The following RSRP1 variants were observed in gnomAD, a reference collection of about 807,000 sequenced individuals.
The protein encoded by RSRP1 is arginine and serine rich protein 1.
In RSRP1, 37 loss-of-function variants were observed where a neutral mutation model predicts 33.0. That is an observed-to-expected ratio of 1.12 (90% CI 0.86 to 1.48). RSRP1 has a LOEUF of 1.48. RSRP1 is among the 40% of genes most tolerant of loss of function. The pLI is 0.00. For synonymous variants in RSRP1, 167 were observed against 158.7 expected (o/e 1.05, Z -0.40); for missense variants, 402 against 385.3 (o/e 1.04, Z -0.36).
In RSRP1 at chr1:25,270,546, A is replaced by C. The variant is rs371335877; in HGVS notation, c.-66-23517T>G. On this transcript the variant is annotated intron_variant, in intron 1 of 1. Coordinates refer to the RSRP1 transcript ENST00000561867. ...CTGAGGTGGAACAGTTTCATCCCCA[A>C]ACCATCCCTCCAACCTCACCCCGGT... is the stretch of plus-strand genomic sequence containing the variant. 8.4e-4 allele frequency among the ~76,000 whole-genome samples: 111 copies of C among 131,744 alleles called. 13 individuals are homozygous for C. Among genetic ancestry groups the C allele is most frequent in the African/African-American group, 1.4e-3 (53 of 38,646 alleles). 86.4% of individuals were successfully genotyped at this position (131,744 alleles called of 152,430 possible).
At chr1:25,303,595 T>G in intron 1 of RSRP1, 3 of 950,224 alleles carry the variant, frequency 3.2e-6, no homozygotes, top group Non-Finnish European at 4.9e-6. Context: ...CAACGCCTAG[T>G]GAGGGATCCA....
At chr1:25,303,238 T>C in intron 1 of RSRP1, 3 of 1,049,044 alleles carry the variant, frequency 2.9e-6, no homozygotes, top group African/African-American at 1.5e-5. Context: ...AGGGTTGCCT[T>C]GTTCCCAGCG....
chr1:25,261,406 C>CTTT (rs561224552), intron 1 of RSRP1, among the ~76,000 whole-genome samples: 2 of 140,852 alleles, frequency 1.4e-5, no homozygotes, highest in Non-Finnish European at 3.1e-5. Context: ...TGATTTCTTT[C>CTTT]TTTTTTTTTT....
chr1:25,259,107 T>C (rs976391386), intron 1 of RSRP1, among the ~76,000 whole-genome samples: 2 of 152,194 alleles, frequency 1.3e-5, no homozygotes, highest in Admixed American at 6.5e-5. Flanking sequence ...TTTTTTCTTT[T>C]TTTTGAGATG....
In RSRP1 at chr1:25,314,514, AAC is replaced by A. The variant is rs1644332018; in HGVS notation, c.-67+23462_-67+23463del. 1.5e-5 allele frequency among the ~76,000 whole-genome samples: 2 copies of A among 131,724 alleles called. 1 individual carries two copies. Among genetic ancestry groups the A allele is most frequent in the African/African-American group, 5.2e-5 (2 of 38,744 alleles). 86.4% of individuals were successfully genotyped at this position (131,724 alleles called of 152,430 possible). Reference sequence around the variant, plus strand: ...TTTTTCCTTCTTTCTTTCTTTTTGAAACAGAGTCTCCTTCTGTCACCCAGGCT... The same window carrying A: ...TTTTTCCTTCTTTCTTTCTTTTTGAAAGAGTCTCCTTCTGTCACCCAGGCT... On this transcript the variant is annotated intron_variant, in intron 1 of 1. Coordinates refer to the RSRP1 transcript ENST00000561867.
intron 3 of RSRP1, chr1:25,244,886 A>G: frequency 8.0e-7 from 1 of 1,247,884 alleles, no homozygotes; most frequent in Non-Finnish European, 1.0e-6. Context: ...GTTTTGCCAC[A>G]TTGCCCAGGC....
At chr1:25,253,789 C>T (rs1322195247) in intron 1 of RSRP1, 2 of 152,372 alleles carry the variant, frequency 1.3e-5, no homozygotes, top group Non-Finnish European at 2.9e-5. Context: ...TCCACAAGCC[C>T]AAGGTCAAAG....
chr1:25,315,020 T>C (rs1358971267), intron 1 of RSRP1, among the ~76,000 whole-genome samples: 1 of 129,244 alleles, frequency 7.7e-6, no homozygotes, highest in African/African-American at 2.6e-5. Flanking sequence ...CTGGCCAACA[T>C]GGTGAAGCCC....
chr1:25,242,819 G>A, intron 4 of RSRP1, 114 bp from the exon 5 acceptor site: 1 of 749,790 alleles, frequency 1.3e-6, no homozygotes. Flanking sequence ...ATCAATTGCT[G>A]GGCGCGGTGG....
Position 25,246,700 on chromosome 1 carries a change from G to T in RSRP1, c.264C>A (p.Ser88=). ...SRSYSRSRSR[S]RSRRYRERRY... ...GCCTCTCTCGGTAACGGCGGCTGCG[G>T]GATCGCGACCGGCTCCGCGAGTATG... Residue 88 remains serine, a synonymous_variant, in exon 2 of 5, where the codon TCC becomes TCA. Coordinates refer to ENST00000243189, the MANE Select transcript of RSRP1 (RefSeq NM_020317.5). The T allele has an allele frequency of 6.2e-7, 1 of 1,607,942 alleles. No homozygotes were observed. Among genetic ancestry groups the T allele is most frequent in the Non-Finnish European group, 8.5e-7 (1 of 1,175,524 alleles).
intron 1 of RSRP1, among the ~76,000 whole-genome samples, chr1:25,312,612 T>C (rs1459313690): frequency 7.8e-6 from 1 of 129,012 alleles, no homozygotes; most frequent in African/African-American, 2.6e-5. Flanking sequence ...TAGCCAGGTA[T>C]TGTGGCATAT....
chr1:25,308,058 G>A (rs1464890339), intron 1 of RSRP1, among the ~76,000 whole-genome samples: 1 of 123,952 alleles, frequency 8.1e-6, no homozygotes, highest in Non-Finnish European at 1.9e-5. Context: ...AGCCAGTGAA[G>A]GAAGGGAGCT....
At chr1:25,243,825 C>G (rs1639111819) in intron 3 of RSRP1, 192 bp from the exon 4 acceptor site, 1 of 1,302,916 alleles carries the variant, frequency 7.7e-7, no homozygotes, top group African/African-American at 1.5e-5. Flanking sequence ...GCTTAAGACA[C>G]TCTTCCCATA....
At chr1:25,262,238 A>G (rs1356117401) in intron 1 of RSRP1, among the ~76,000 whole-genome samples, 5 of 152,208 alleles carry the variant, frequency 3.3e-5, no homozygotes, top group Non-Finnish European at 7.3e-5. Flanking sequence ...GGAGTCCCAC[A>G]CTGCGAACCA....
At chr1:25,307,513 ATTGACTGCTTTAAAAGTG>A (rs1227232002) in intron 1 of RSRP1, 2 of 509,770 alleles carry the variant, frequency 3.9e-6, no homozygotes, top group Admixed American at 3.0e-5. Flanking sequence ...TACTACTGTT[ATTGACTGCTTTAAAAGTG>A]TTGGGCATTG....
chr1:25,244,552 T>C, intron 3 of RSRP1: 2 of 1,288,608 alleles, frequency 1.6e-6, no homozygotes, highest in Non-Finnish European at 2.0e-6. Flanking sequence ...GAGTACAGAA[T>C]TTGTGGGAAC....
chr1:25,280,826 G>C lies in RSRP1; in HGVS notation c.-66-33797C>G, dbSNP rs1641432003. 1.5e-5 allele frequency among the ~76,000 whole-genome samples: 2 copies of C among 131,216 alleles called. 1 individual carries two copies. The highest frequency in any genetic ancestry group is 3.6e-5 in the Non-Finnish European group (2 of 55,542). The allele number at this position is 131,216 out of a possible 152,430, so 86.1% of individuals were successfully genotyped here. Reference sequence around the variant, plus strand: ...AGGTCTTGCTATGTTGCCTAGGCTGGTCTTGAACTCCTCAGCTCAAGCAAT... The same window carrying C: ...AGGTCTTGCTATGTTGCCTAGGCTGCTCTTGAACTCCTCAGCTCAAGCAAT... On this transcript the variant is annotated intron_variant, in intron 1 of 1. Coordinates refer to the RSRP1 transcript ENST00000561867.
chr1:25,247,101 G>A, intron 1 of RSRP1, 72 bp from the exon 2 acceptor site: 1 of 966,970 alleles, frequency 1.0e-6, no homozygotes, highest in Non-Finnish European at 1.4e-6. Context: ...AGCCACAGTC[G>A]GGGAACCTCC....
chr1:25,277,837 G>A (rs1204360712), intron 1 of RSRP1, among the ~76,000 whole-genome samples: 1 of 126,982 alleles, frequency 7.9e-6, no homozygotes, highest in Non-Finnish European at 1.9e-5. Flanking sequence ...ACCACGCCCG[G>A]CTAATTTTGT....
Sources: allele counts gnomAD v4.1 joint callset (sites outside exome capture counted in the v4.1 genomes callset), GRCh38; gene constraint gnomAD v4.1.1; transcripts MANE v1.5; gene names NCBI Gene and HGNC (gene_info 2026-07-23, HGNC 2026-07-21).